MAPK10: variants seen among roughly 807,000 people sequenced by gnomAD.
MAPK10 encodes the protein JNK3 alpha protein kinase.
MAPK10 carries 25 observed loss-of-function variants against 59.3 expected under a neutral mutation model. That is an observed-to-expected ratio of 0.42 (90% CI 0.31 to 0.59). The LOEUF (loss-of-function observed/expected upper bound fraction) is 0.59. Among genes scored for constraint, MAPK10 ranks in the 20% least tolerant of loss-of-function variants. The probability of loss-of-function intolerance (pLI) is 0.15; values close to 1 mark genes in which losing one functional copy is unlikely to be tolerated. For missense variants in MAPK10, 351 were observed against 568.9 expected (o/e 0.62, Z 3.90); for synonymous variants, 190 against 200.5 (o/e 0.95, Z 0.44).
intron 1 of MAPK10, among the ~76,000 whole-genome samples, chr4:86,490,969 C>T (rs1015075003): frequency 2.0e-5 from 3 of 152,196 alleles, no homozygotes; most frequent in African/African-American, 4.8e-5. Flanking sequence ...AATACAGAGT[C>T]GCTGACTTTA....
chr4:86,576,735 A>T lies in MAPK10; in HGVS notation c.-263+17175T>A, dbSNP rs566625291. 4.5e-4 allele frequency among the ~76,000 whole-genome samples: 69 copies of T among 151,764 alleles called. 1 individual carries two copies. Among genetic ancestry groups the T allele is most frequent in the Non-Finnish European group, 1.3e-4 (9 of 67,920 alleles). Reference sequence around the variant, plus strand: ...GCTTGCAGTGAGCCGAGATCGCGCCACTGTAGTCCAGCCTAGGGGACAGTG... The same window carrying T: ...GCTTGCAGTGAGCCGAGATCGCGCCTCTGTAGTCCAGCCTAGGGGACAGTG... On this transcript the variant is annotated intron_variant, in intron 1 of 4. Transcript: ENST00000502302.
chr4:86,437,452 G>A (rs933262557), intron 1 of MAPK10, among the ~76,000 whole-genome samples: 2 of 151,974 alleles, frequency 1.3e-5, no homozygotes, highest in Admixed American at 6.6e-5. Flanking sequence ...CCCACTTTGC[G>A]TTCAAGGAAA....
intron 1 of MAPK10, among the ~76,000 whole-genome samples, chr4:86,367,419 C>A (rs1214257342): frequency 6.6e-6 from 1 of 151,906 alleles, no homozygotes; most frequent in Non-Finnish European, 1.5e-5. Context: ...TGGCTTTTTG[C>A]AAAAACTATT....
chr4:86,365,504 A>G (rs1737716272), intron 1 of MAPK10, among the ~76,000 whole-genome samples: 1 of 141,326 alleles, frequency 7.1e-6, no homozygotes, highest in African/African-American at 2.6e-5. Flanking sequence ...TTAATCCTCT[A>G]TTTCTCATTA....
chr4:86,282,405 T>C (rs1314720211), intron 2 of MAPK10, among the ~76,000 whole-genome samples: 1 of 152,172 alleles, frequency 6.6e-6, no homozygotes, highest in Admixed American at 6.6e-5. Context: ...ATTCATCCTA[T>C]TGTAATTCTG....
Position 86,017,445 on chromosome 4 carries a change from G to C in MAPK10, c.1253-75C>G. 1 of 1,541,786 alleles carries C rather than the reference G, an allele frequency of 6.5e-7. No individual in the cohort carries two copies. The highest frequency in any genetic ancestry group is 1.2e-5 in the South Asian group (1 of 85,400). ...ATCTTAATGCCATTCAGGATTCAGG[G>C]ATGGGCAAATACAATAGGGGATGTC... On this transcript the variant is annotated intron_variant, in intron 13 of 13. Coordinates refer to ENST00000641462, the MANE Select transcript of MAPK10 (RefSeq NM_138982.4). The surrounding 1 kb of genome is among the most constrained non-coding windows in gnomAD (Gnocchi z 4.4).
intron 1 of MAPK10, among the ~76,000 whole-genome samples, chr4:86,419,257 G>C (rs985478222): frequency 6.6e-6 from 1 of 151,960 alleles, no homozygotes; most frequent in Non-Finnish European, 1.5e-5. Context: ...ATATCTCTAC[G>C]TGTTTTTATC....
intron 1 of MAPK10, among the ~76,000 whole-genome samples, chr4:86,517,716 G>A (rs1197668588): frequency 6.6e-6 from 1 of 152,020 alleles, no homozygotes; most frequent in Non-Finnish European, 1.5e-5. Context: ...GGGTAATACT[G>A]GGTTCATAGA....
intron 1 of MAPK10, among the ~76,000 whole-genome samples, chr4:86,581,899 T>TTTTA (rs1554284916): frequency 2.1e-4 from 19 of 91,584 alleles, no homozygotes; most frequent in Non-Finnish European, 3.6e-4. Context: ...GCTATATATA[T>TTTTA]TATATATATA....
chr4:86,064,872 CA>C (rs2046421122), intron 10 of MAPK10: 1 of 152,296 alleles, frequency 6.6e-6, no homozygotes. Flanking sequence ...TTGTATCATA[CA>C]AATTTTTCTT....
At chr4:86,369,089 A>C (rs1162987569) in intron 1 of MAPK10, among the ~76,000 whole-genome samples, 1 of 152,142 alleles carries the variant, frequency 6.6e-6, no homozygotes, top group East Asian at 1.9e-4. Flanking sequence ...AAAAGCATGA[A>C]GATACCATGG....
rs1742221967 is a variant in MAPK10, at chr4:86,013,897, G to T, written c.*3331C>A. On this transcript the variant is annotated 3_prime_UTR_variant, in exon 14 of 14. Coordinates refer to ENST00000641462, the MANE Select transcript of MAPK10 (RefSeq NM_138982.4). Reference sequence around the variant, plus strand: ...GTTATTATCAGTTTTTATTCCACAAGAAGAAATTCCGTTGTAAGGCTAGTG... The same window carrying T: ...GTTATTATCAGTTTTTATTCCACAATAAGAAATTCCGTTGTAAGGCTAGTG... 6.6e-6 allele frequency: 1 copy of T among 152,138 alleles called. No homozygotes were observed. Among genetic ancestry groups the T allele is most frequent in the Admixed American group, 6.5e-5 (1 of 15,276 alleles). The allele number at this position is 152,138 out of a possible 1,614,324, so 9.4% of individuals were successfully genotyped here.
At chr4:86,349,666 T>C (rs1167089612) in intron 2 of MAPK10, among the ~76,000 whole-genome samples, 1 of 152,196 alleles carries the variant, frequency 6.6e-6, no homozygotes, top group Non-Finnish European at 1.5e-5. Context: ...GATAGAATCT[T>C]ATGAAATCTA....
At chr4:86,070,142 T>C (rs1378617891) in intron 9 of MAPK10, among the ~76,000 whole-genome samples, 1 of 152,180 alleles carries the variant, frequency 6.6e-6, no homozygotes, top group Non-Finnish European at 1.5e-5. Context: ...GTCAATGAAA[T>C]AGTTAAATGT....
chr4:86,210,695 C>CA (rs925442971), intron 2 of MAPK10, among the ~76,000 whole-genome samples: 19 of 149,174 alleles, frequency 1.3e-4, no homozygotes, highest in South Asian at 4.3e-4. Context: ...ACAAGTCATA[C>CA]AAAAAAAAGG....
intron 1 of MAPK10, among the ~76,000 whole-genome samples, chr4:86,529,158 C>G (rs1023242378): frequency 1.3e-5 from 2 of 152,194 alleles, no homozygotes; most frequent in African/African-American, 4.8e-5. Context: ...ACTAGTTTAG[C>G]CTATTGTCTC....
chr4:86,336,536 G>A (rs1328009677), intron 2 of MAPK10: 1 of 152,150 alleles, frequency 6.6e-6, no homozygotes, highest in Admixed American at 6.5e-5. Flanking sequence ...ATCATCAAGA[G>A]AGGGAGAATA....
intron 3 of MAPK10, among the ~76,000 whole-genome samples, chr4:86,167,029 G>T (rs2071991314): frequency 6.6e-6 from 1 of 152,124 alleles, no homozygotes; most frequent in Admixed American, 6.5e-5. Context: ...ATAAAAAAGT[G>T]ATAAAGGGGA....
At position 86,057,147 on chromosome 4, in the gene MAPK10, C is replaced by T. The variant is rs145433156; in HGVS notation, c.1110+7119G>A. On this transcript the variant is annotated intron_variant, in intron 11 of 13. Coordinates refer to ENST00000641462, the MANE Select transcript of MAPK10 (RefSeq NM_138982.4). Reference sequence around the variant, plus strand: ...ATTTTTAGTAGAGATGGGGTTTTGCCGTGTTGGCCAGGCCCAAACTCCTGA... The same window carrying T: ...ATTTTTAGTAGAGATGGGGTTTTGCTGTGTTGGCCAGGCCCAAACTCCTGA... Among the ~76,000 whole-genome samples the T allele has an allele frequency of 5.0e-4, 74 of 148,848 alleles. 6 individuals are homozygous for T. In the Middle Eastern group the frequency reaches 0.01, roughly 21 times the overall value.
Sources: gnomAD v4.1 joint callset for allele counts (sites outside exome capture counted in the v4.1 genomes callset) on GRCh38, gnomAD v4.1.1 for gene constraint, Gnocchi (gnomAD v3.1) non-coding constraint, MANE v1.5 for transcripts, NCBI Gene and HGNC (gene_info 2026-07-23, HGNC 2026-07-21) for gene names.